Variants in TRERF1 observed in about 807,000 individuals in gnomAD.
TRERF1 encodes the protein transcriptional-regulating factor 1.
Under a neutral mutation model 122.9 loss-of-function variants are expected in TRERF1, and 27 were observed. That is an observed-to-expected ratio of 0.22 (90% confidence interval 0.16 to 0.30). The LOEUF is 0.30. Ranked by LOEUF, TRERF1 falls within the 10% of genes least tolerant of loss-of-function variation. The pLI, the probability that TRERF1 is intolerant of heterozygous loss-of-function variation, is 1.00. For missense variants in TRERF1, 1,248 were observed against 1,560.3 expected, an observed-to-expected ratio of 0.80 and a Z score of 3.37; for synonymous variants, 636 against 641.7, an observed-to-expected ratio of 0.99 and a Z score of 0.13.
At chr6:42,396,898 TACACACCCATAC>T (rs1413897066) in intron 2 of TRERF1, among the ~76,000 whole-genome samples, 1 of 152,138 alleles carries the variant, frequency 6.6e-6, no homozygotes, top group Non-Finnish European at 1.5e-5. Context: ...TAGGCCCCTG[TACACACCCATAC>T]ACACACCCTG....
At chr6:42,296,674 C>T (rs1785162126) in intron 4 of TRERF1, among the ~76,000 whole-genome samples, 1 of 151,820 alleles carries the variant, frequency 6.6e-6, no homozygotes, top group South Asian at 2.1e-4. Flanking sequence ...ATGAAAGGCA[C>T]GCCACCATGA....
At chr6:42,325,214 G>C (rs752435439) in intron 3 of TRERF1, among the ~76,000 whole-genome samples, 1 of 152,068 alleles carries the variant, frequency 6.6e-6, no homozygotes, top group Non-Finnish European at 1.5e-5. Context: ...GATACCATCC[G>C]ACACCAGTCC....
At chr6:42,298,352 C>A (rs1785459567) in intron 4 of TRERF1, among the ~76,000 whole-genome samples, 1 of 151,470 alleles carries the variant, frequency 6.6e-6, no homozygotes, top group South Asian at 2.1e-4. Context: ...GATGGGGTTT[C>A]ACCATGTTGG....
At chr6:42,306,368 G>A (rs1010697853) in intron 3 of TRERF1, among the ~76,000 whole-genome samples, 2 of 152,130 alleles carry the variant, frequency 1.3e-5, no homozygotes, top group Non-Finnish European at 2.9e-5. Flanking sequence ...TAATTTTCAT[G>A]CACTGGAGGA....
At chr6:42,401,570 G>A (rs1038890) in intron 2 of TRERF1, among the ~76,000 whole-genome samples, 74,769 of 151,848 alleles carry the variant, frequency 0.49, 21,746 homozygotes, top group Non-Finnish European at 0.64. Context: ...GATTTTATCC[G>A]CCCCACCAGA....
In TRERF1 at chr6:42,275,873, G is replaced by A. The variant is rs1287938064; in HGVS notation, c.-258-6025C>T. 6.6e-6 allele frequency among the ~76,000 whole-genome samples: 1 copy of A among 152,230 alleles called. No homozygotes were observed. The highest frequency in any genetic ancestry group is 2.4e-5 in the African/African-American group (1 of 41,460). ...TGGTTTCTGTCACAACGCTGCCACG[G>A]TAGCGTGAAAGCGGCCACAGACCAT... is the stretch of plus-strand genomic sequence containing the variant. On this transcript the variant is annotated intron_variant, in intron 4 of 17. Transcript: ENST00000372922. This position sits in a 1 kb window ranked among gnomAD's most constrained non-coding sequence, Gnocchi z 4.1.
At chr6:42,235,779 A>T (rs963779813) in intron 16 of TRERF1, among the ~76,000 whole-genome samples, 3 of 152,210 alleles carry the variant, frequency 2.0e-5, no homozygotes, top group African/African-American at 7.2e-5. Flanking sequence ...AAATTGCAGG[A>T]GGTAGGGCAA....
At chr6:42,261,886 C>A (rs1777940408) in intron 8 of TRERF1, among the ~76,000 whole-genome samples, 1 of 152,128 alleles carries the variant, frequency 6.6e-6, no homozygotes, top group Non-Finnish European at 1.5e-5. Context: ...CTCCCCAGTC[C>A]ATAATGACTT....
intron 2 of TRERF1, among the ~76,000 whole-genome samples, chr6:42,417,852 C>T (rs971685262): frequency 6.6e-6 from 1 of 152,326 alleles, no homozygotes; most frequent in African/African-American, 2.4e-5. Context: ...TGGCTAGCTG[C>T]GCCAAGAACT....
At chr6:42,426,871 A>G (rs913323601) in intron 2 of TRERF1, among the ~76,000 whole-genome samples, 5 of 152,344 alleles carry the variant, frequency 3.3e-5, no homozygotes, top group African/African-American at 1.2e-4. Flanking sequence ...AGAATTCTGC[A>G]TATACTGGAA....
intron 4 of TRERF1, among the ~76,000 whole-genome samples, chr6:42,270,768 CTTTTTTTTTT>C (rs1175342905): frequency 8.4e-6 from 1 of 119,622 alleles, no homozygotes; most frequent in Non-Finnish European, 1.8e-5. Flanking sequence ...GACCTCATCT[CTTTTTTTTTT>C]TTTTTTTTTT....
intron 12 of TRERF1, among the ~76,000 whole-genome samples, chr6:42,255,429 C>T (rs947149242): frequency 6.6e-6 from 1 of 152,244 alleles, no homozygotes; most frequent in Non-Finnish European, 1.5e-5. Context: ...TTAAAAGATG[C>T]CGCAGGCAGA....
At chr6:42,350,915 A>C (rs1769302182) in intron 3 of TRERF1, among the ~76,000 whole-genome samples, 1 of 152,182 alleles carries the variant, frequency 6.6e-6, no homozygotes, top group African/African-American at 2.4e-5. Flanking sequence ...ATTTTTCAAA[A>C]GATGGAGCAC....
intron 2 of TRERF1, among the ~76,000 whole-genome samples, chr6:42,419,708 G>C (rs1307856897): frequency 6.6e-6 from 1 of 152,160 alleles, no homozygotes; most frequent in African/African-American, 2.4e-5. Flanking sequence ...CAGTTCTACA[G>C]CACATAACTA....
At chr6:42,308,786 G>T (rs754700382) in intron 3 of TRERF1, among the ~76,000 whole-genome samples, 3 of 152,056 alleles carry the variant, frequency 2.0e-5, no homozygotes, top group Admixed American at 1.3e-4. Context: ...GTCTACTTGA[G>T]GGGGGAGGGC....
chr6:42,403,196 C>A (rs1424647881), intron 2 of TRERF1, among the ~76,000 whole-genome samples: 1 of 151,858 alleles, frequency 6.6e-6, no homozygotes, highest in Non-Finnish European at 1.5e-5. Context: ...GGAAATAAGG[C>A]CCAAAAAAGC....
chr6:42,237,668 A>G (rs1772560860), intron 15 of TRERF1, among the ~76,000 whole-genome samples: 1 of 152,172 alleles, frequency 6.6e-6, no homozygotes, highest in Non-Finnish European at 1.5e-5. Context: ...TGGGGAGCCT[A>G]TGATTCTTAA....
intron 2 of TRERF1, among the ~76,000 whole-genome samples, chr6:42,401,860 T>C (rs1324572342): frequency 1.3e-5 from 2 of 152,220 alleles, no homozygotes; most frequent in Admixed American, 1.3e-4. Flanking sequence ...CACGGATTCA[T>C]TTCTTGAAAA....
chr6:42,310,679 A>G (rs1182119986), intron 3 of TRERF1, among the ~76,000 whole-genome samples: 2 of 152,188 alleles, frequency 1.3e-5, no homozygotes, highest in East Asian at 1.9e-4. Context: ...TAGTGTAATC[A>G]AGAGAACACT....
Sources: gnomAD v4.1 joint callset for allele counts (sites outside exome capture counted in the v4.1 genomes callset) on GRCh38, gnomAD v4.1.1 for gene constraint, Gnocchi (gnomAD v3.1) non-coding constraint, MANE v1.5 for transcripts, NCBI Gene and HGNC (gene_info 2026-07-23, HGNC 2026-07-21) for gene names.